The following LSR variants were observed in gnomAD, a reference collection of about 807,000 sequenced individuals.
LSR encodes lipolysis stimulated lipoprotein receptor, also known as lipolysis-stimulated lipoprotein receptor.
A neutral mutation model predicts 61.8 loss-of-function variants in LSR; 44 were observed. The ratio of observed to expected loss-of-function variants is 0.71; its 90% confidence interval spans 0.56 to 0.91. The LOEUF (loss-of-function observed/expected upper bound fraction) is 0.91. Among genes scored for constraint, LSR ranks in the 40% least tolerant of loss-of-function variants. The pLI is 0.00. For missense variants in LSR, 911 were observed against 830.5 expected, an observed-to-expected ratio of 1.10 and a Z score of -1.19; for synonymous variants, 397 against 350.6, an observed-to-expected ratio of 1.13 and a Z score of -1.48.
chr19:35,249,963 G>A (rs918354828), intron 1 of LSR, among the ~76,000 whole-genome samples: 7 of 152,156 alleles, frequency 4.6e-5, no homozygotes, highest in African/African-American at 1.7e-4. Context: ...CATCAACATG[G>A]CCATCTGGGC....
At position 35,266,724 on chromosome 19, in the gene LSR, G is replaced by T; in HGVS notation, c.998G>T (p.Ser333Ile). The T allele has an allele frequency of 1.2e-6, 2 of 1,609,172 alleles. No homozygotes were observed. The highest frequency in any genetic ancestry group is 1.7e-6 in the Non-Finnish European group (2 of 1,178,134). The change falls in exon 7 of 10, where the codon AGC (serine) becomes ATC (isoleucine). Residue 333 changes from serine (S) to isoleucine (I), a missense_variant. Physicochemically the swap from Ser to Ile is moderately radical, Grantham distance 142. Coordinates refer to ENST00000605618, the MANE Select transcript of LSR (RefSeq NM_205834.4). Reference sequence around the variant, plus strand: ...GTACCCCTGCTTCGGGACACGGACAGCAGTGTGGCCTCTGGTGAGAATCCA... The same window carrying T: ...GTACCCCTGCTTCGGGACACGGACATCAGTGTGGCCTCTGGTGAGAATCCA... Reference protein sequence around the residue: ...SYVPLLRDTDSSVASEVRSGY... With the variant: ...SYVPLLRDTDISVASEVRSGY...
At chr19:35,265,678 C>T (rs2065987947) in intron 5 of LSR, among the ~76,000 whole-genome samples, 1 of 151,958 alleles carries the variant, frequency 6.6e-6, no homozygotes, top group South Asian at 2.1e-4. Context: ...ACTGTCAAGC[C>T]TAGAGCCTGG....
intron 3 of LSR, among the ~76,000 whole-genome samples, chr19:35,261,413 C>T (rs938593746): frequency 1.3e-5 from 2 of 152,184 alleles, no homozygotes; most frequent in Admixed American, 6.5e-5. Context: ...TGTGGTGACA[C>T]ATGCCTGTAG....
chr19:35,249,247 C>T (rs981673834), intron 1 of LSR, 116 bp downstream of exon 1: 3 of 1,295,378 alleles, frequency 2.3e-6, no homozygotes, highest in South Asian at 2.9e-5. Flanking sequence ...CTGGGACCTT[C>T]CGATCCCCTG....
Position 35,250,408 on chromosome 19 carries a change from C to T in LSR, c.203C>T (p.Thr68Ile). The T allele has an allele frequency of 6.2e-7, 1 of 1,613,704 alleles. No individual in the cohort carries two copies. The highest frequency in any genetic ancestry group is 1.1e-5 in the South Asian group (1 of 91,012). The change falls in exon 2 of 10, where the codon ACC becomes ATC. Residue 68 changes from threonine to isoleucine, a missense_variant. Thr to Ile is a moderately conservative substitution (Grantham distance 89). Transcript: ENST00000605618. ...ACCCTGCCCTGTACCTACCAGATGACCTCGACCCCCACGCAACCCATCGTC... is the reference window on the plus strand; with the variant it reads ...ACCCTGCCCTGTACCTACCAGATGATCTCGACCCCCACGCAACCCATCGTC... Reference protein sequence around the residue: ...PVTLPCTYQMTSTPTQPIVIW... With the variant: ...PVTLPCTYQMISTPTQPIVIW...
intron 5 of LSR, among the ~76,000 whole-genome samples, chr19:35,265,319 C>G (rs906681154): frequency 6.6e-6 from 1 of 152,180 alleles, no homozygotes; most frequent in Non-Finnish European, 1.5e-5. Flanking sequence ...ACCACATTTC[C>G]TCCATCCGGA....
chr19:35,267,414 G>A lies in LSR; in HGVS notation c.1450G>A (p.Asp484Asn), dbSNP rs2066030538. 6.2e-7 allele frequency: 1 copy of A among 1,609,954 alleles called. No homozygotes were observed. Among genetic ancestry groups the A allele is most frequent in the Non-Finnish European group, 8.5e-7 (1 of 1,179,054 alleles). Residue 484 changes from aspartate to asparagine, a missense_variant, in exon 9 of 10, where the codon GAC (aspartate) becomes AAC (asparagine). Coordinates refer to ENST00000605618, the MANE Select transcript of LSR (RefSeq NM_205834.4). ...AYMPPRSRSR[D>N]DLYDQDDSRD... is the part of the protein sequence containing the mutation. ...CATGCCCCCGCGGAGCCGCAGCCGGGACGACCTCTATGACCAAGACGACTC... is the reference window on the plus strand; with the variant it reads ...CATGCCCCCGCGGAGCCGCAGCCGGAACGACCTCTATGACCAAGACGACTC...
In LSR at chr19:35,267,322, C is replaced by T. The variant is rs777189002; in HGVS notation, c.1358C>T (p.Thr453Ile). 9.0e-6 allele frequency: 14 copies of T among 1,561,446 alleles called. No homozygotes were observed. The highest frequency in any genetic ancestry group is 1.2e-5 in the Non-Finnish European group (14 of 1,154,180). The change falls in exon 9 of 10, where the codon ACC becomes ATC. Residue 453 changes from threonine to isoleucine, a missense_variant. Coordinates refer to ENST00000605618, the MANE Select transcript of LSR (RefSeq NM_205834.4). Reference protein sequence around the residue: ...ARSVDALDDLTPPSTAESGSR... With the variant: ...ARSVDALDDLIPPSTAESGSR... ...TCCGTGGACGCCCTGGACGACCTCA[C>T]CCCGCCGAGCACCGCCGAGTCAGGG...
At position 35,267,897 on chromosome 19, in the gene LSR, T is replaced by A. The variant is rs754599115; in HGVS notation, c.*38T>A. On this transcript the variant is annotated 3_prime_UTR_variant, in exon 10 of 10. Transcript: ENST00000605618. ...TACGTAGCTTTTGTATTTTTTTTTT[T>A]AATTTGAAGGAACACTGATGAAGCC... is the stretch of plus-strand genomic sequence containing the variant. 8.7e-6 allele frequency: 14 copies of A among 1,601,420 alleles called. No homozygotes were observed. Among genetic ancestry groups the A allele is most frequent in the Non-Finnish European group, 1.1e-5 (13 of 1,170,006 alleles).
Position 35,267,546 on chromosome 19 carries a change from G to C in LSR, c.1582G>C (p.Asp528His). The part of the protein sequence containing the change: ...SHHHRTRDPR[D>H]NGSRSGDLPY... ...CCACCACCGTACCCGGGACCCTCGGGACAACGGCTCCAGGTCCGGGGACCT... is the reference window on the plus strand; with the variant it reads ...CCACCACCGTACCCGGGACCCTCGGCACAACGGCTCCAGGTCCGGGGACCT... Residue 528 changes from aspartate to histidine, a missense_variant, in exon 9 of 10, where the codon GAC becomes CAC. Coordinates refer to ENST00000605618, the MANE Select transcript of LSR (RefSeq NM_205834.4). 1 of 1,612,308 alleles carries C rather than the reference G, an allele frequency of 6.2e-7. No homozygotes were observed.
chr19:35,250,388 G>A lies in LSR; in HGVS notation c.183G>A (p.Leu61=), dbSNP rs1315492324. ...HVVILFQPVT[L]PCTYQMTSTP... Reference sequence around the variant, plus strand: ...TGATCCTCTTCCAGCCTGTGACCCTGCCCTGTACCTACCAGATGACCTCGA... The same window carrying A: ...TGATCCTCTTCCAGCCTGTGACCCTACCCTGTACCTACCAGATGACCTCGA... The change falls in exon 2 of 10, where the codon CTG becomes CTA. Residue 61 remains leucine, a synonymous_variant. Coordinates refer to ENST00000605618, the MANE Select transcript of LSR (RefSeq NM_205834.4). 8.7e-6 allele frequency: 14 copies of A among 1,611,522 alleles called. No individual in the cohort carries two copies. In the African/African-American group the frequency reaches 1.9e-4, roughly 22 times the overall value.
chr19:35,259,576 T>C (rs145066826), intron 3 of LSR, among the ~76,000 whole-genome samples: 2,042 of 150,808 alleles, frequency 0.014, 16 homozygotes, highest in Non-Finnish European at 0.021. Context: ...AGGCAGAGGA[T>C]GCAGTAAGCC....
At chr19:35,249,482 C>T (rs1364880425) in intron 1 of LSR, 2 of 302,500 alleles carry the variant, frequency 6.6e-6, no homozygotes, top group African/African-American at 4.5e-5. Flanking sequence ...CCGGGGATTT[C>T]TAAGTTTTGG....
chr19:35,262,216 C>G (rs985839420), intron 4 of LSR, among the ~76,000 whole-genome samples: 1 of 152,194 alleles, frequency 6.6e-6, no homozygotes, highest in African/African-American at 2.4e-5. Flanking sequence ...ACCTGCGGTG[C>G]TCTTGAGGGT....
Position 35,261,988 on chromosome 19 carries a change from G to A in LSR, c.631+7G>A, listed in dbSNP as rs1599602822. 5 of 1,519,032 alleles carry A rather than the reference G, an allele frequency of 3.3e-6. No individual in the cohort carries two copies. The highest frequency in any genetic ancestry group is 5.2e-5 in the Admixed American group (2 of 38,226). 94.1% of individuals were successfully genotyped at this position (1,519,032 alleles called of 1,614,324 possible). ...CAGGCGGGGCCCATAGAAGGTACGG[G>A]GGGTGGATCCTGAGTTGGGCTTCTC... On this transcript the variant is annotated splice_region_variant and intron_variant, in intron 4 of 9. Transcript: ENST00000605618.
At position 35,267,487 on chromosome 19, in the gene LSR, C is replaced by T. The variant is rs139691797; in HGVS notation, c.1523C>T (p.Ser508Phe). The T allele has an allele frequency of 3.7e-6, 6 of 1,610,906 alleles. No homozygotes were observed. In the East Asian group the frequency reaches 1.3e-4, roughly 36 times the overall value. The change falls in exon 9 of 10, where the codon TCT becomes TTT. Residue 508 changes from serine (S) to phenylalanine (F), a missense_variant. Coordinates refer to ENST00000605618, the MANE Select transcript of LSR (RefSeq NM_205834.4). ...GACCCCCACTACGACGACTTCAGGT[C>T]TCGGGAGCGCCCTCCTGCCGACCCC... ...SRDPHYDDFR[S>F]RERPPADPRS...
chr19:35,259,656 A>G (rs1489804375), intron 3 of LSR, among the ~76,000 whole-genome samples: 1 of 151,460 alleles, frequency 6.6e-6, no homozygotes, highest in Non-Finnish European at 1.5e-5. Context: ...AAAAATCCAG[A>G]CGTGGTCAGA....
At chr19:35,267,029 A>G (rs989045411) in intron 8 of LSR, 62 bp downstream of exon 8, 96 of 1,566,030 alleles carry the variant, frequency 6.1e-5, no homozygotes, top group Non-Finnish European at 7.9e-5. Context: ...TGTCTCCCTG[A>G]TACCTGCCGC....
Position 35,259,806 on chromosome 19 carries a change from A to G in LSR, c.574+742A>G, listed in dbSNP as rs115242360. 2.8e-3 allele frequency among the ~76,000 whole-genome samples: 427 copies of G among 152,340 alleles called. 1 individual carries two copies. The highest frequency in any genetic ancestry group is 9.8e-3 in the African/African-American group (408 of 41,578). Reference sequence around the variant, plus strand: ...GTGTGCCCTGCTGGGATGGCGCTGCATGGCACACACACTGTGTAAGTTTGA... The same window carrying G: ...GTGTGCCCTGCTGGGATGGCGCTGCGTGGCACACACACTGTGTAAGTTTGA... On this transcript the variant is annotated intron_variant, in intron 3 of 9. Transcript: ENST00000605618.
Sources: allele counts gnomAD v4.1 joint callset (sites outside exome capture counted in the v4.1 genomes callset), GRCh38; gene constraint gnomAD v4.1.1; transcripts MANE v1.5; gene names NCBI Gene and HGNC (gene_info 2026-07-23, HGNC 2026-07-21).